SLC13A1: variants seen among roughly 807,000 people sequenced by gnomAD.
SLC13A1 encodes the protein solute carrier family 13 member 1.
Under a neutral mutation model 70.0 loss-of-function variants are expected in SLC13A1, and 65 were observed. The observed-to-expected ratio is 0.93, with a 90% CI of 0.76 to 1.14. SLC13A1 has a LOEUF of 1.14. SLC13A1 is among the 50% of genes most tolerant of loss of function. The pLI, the probability that SLC13A1 is intolerant of heterozygous loss-of-function variation, is 0.00. For synonymous variants in SLC13A1, 275 were observed against 250.5 expected (o/e 1.10, Z -0.92); for missense variants, 726 against 717.8 (o/e 1.01, Z -0.13).
At chr7:123,183,911 C>T (rs950548807) in intron 1 of SLC13A1, among the ~76,000 whole-genome samples, 3 of 152,134 alleles carry the variant, frequency 2.0e-5, no homozygotes, top group Non-Finnish European at 4.4e-5. Flanking sequence ...ATTTATGTCT[C>T]ATCATGGAGT....
chr7:123,133,357 C>A (rs17145381), intron 8 of SLC13A1, among the ~76,000 whole-genome samples: 3,771 of 152,162 alleles, frequency 0.025, 77 homozygotes, highest in Non-Finnish European at 0.039. Context: ...CTATAGGTCA[C>A]AGTGTAAGTA....
chr7:123,169,990 A>G (rs182528824), intron 3 of SLC13A1, among the ~76,000 whole-genome samples: 1 of 152,294 alleles, frequency 6.6e-6, no homozygotes, highest in Admixed American at 6.5e-5. Flanking sequence ...ATCTGGACAC[A>G]CTACATTGTC....
intron 11 of SLC13A1, 109 bp downstream of exon 11, chr7:123,125,460 T>C (rs1003876316): frequency 1.9e-5 from 14 of 739,872 alleles, no homozygotes; most frequent in Non-Finnish European, 3.2e-5. Flanking sequence ...GGCCAGGGAT[T>C]GTGCCAGCAT....
intron 6 of SLC13A1, among the ~76,000 whole-genome samples, chr7:123,148,976 T>C (rs1299883744): frequency 6.6e-6 from 1 of 152,162 alleles, no homozygotes; most frequent in Non-Finnish European, 1.5e-5. Context: ...GCATGGTGAA[T>C]TTTTGAAATG....
intron 6 of SLC13A1, among the ~76,000 whole-genome samples, chr7:123,164,003 G>T (rs1429360274): frequency 6.6e-6 from 1 of 151,940 alleles, no homozygotes; most frequent in Non-Finnish European, 1.5e-5. Context: ...CATGAACCTT[G>T]CATTTTAGTG....
Position 123,115,632 on chromosome 7 carries a change from GTT to G in SLC13A1, c.1672_1673del (p.Asn558HisfsTer20). ...IDMVKAGLGV[N>X]IVGVAVVMLG... ...GCATAACCACAGCAACACCAACAAT[GTT>G]GACACCAAGTCCAGCTTTAACCTTG... is the stretch of plus-strand genomic sequence containing the variant. On this transcript the variant is annotated frameshift_variant, in exon 15 of 15. Transcript: ENST00000194130. LOFTEE classifies it high-confidence loss of function. 1 of 1,613,818 alleles carries G rather than the reference GTT, an allele frequency of 6.2e-7. No individual in the cohort carries two copies. The highest frequency in any genetic ancestry group is 8.5e-7 in the Non-Finnish European group (1 of 1,179,764).
At chr7:123,164,836 C>A (rs1195584147) in intron 6 of SLC13A1, among the ~76,000 whole-genome samples, 1 of 151,620 alleles carries the variant, frequency 6.6e-6, no homozygotes, top group Non-Finnish European at 1.5e-5. Context: ...CAGAGCTGAA[C>A]TGAAGGAAAT....
intron 3 of SLC13A1, among the ~76,000 whole-genome samples, chr7:123,169,601 G>T (rs1307585435): frequency 6.6e-6 from 1 of 152,082 alleles, no homozygotes; most frequent in Non-Finnish European, 1.5e-5. Context: ...ACAGAAAAAT[G>T]ATTAAAACTA....
intron 1 of SLC13A1, among the ~76,000 whole-genome samples, chr7:123,189,497 T>C (rs1237595490): frequency 6.6e-6 from 1 of 152,160 alleles, no homozygotes; most frequent in Non-Finnish European, 1.5e-5. Flanking sequence ...ATCTTATATG[T>C]TTTTCAAATT....
intron 1 of SLC13A1, among the ~76,000 whole-genome samples, chr7:123,194,170 A>T (rs1796093893): frequency 6.6e-6 from 1 of 152,132 alleles, no homozygotes; most frequent in Non-Finnish European, 1.5e-5. Context: ...ATACTGTAAT[A>T]GAGGCCAATG....
intron 10 of SLC13A1, among the ~76,000 whole-genome samples, chr7:123,127,926 T>C (rs971585130): frequency 6.9e-6 from 1 of 145,282 alleles, no homozygotes; most frequent in Non-Finnish European, 1.5e-5. Context: ...GAAATTAGAG[T>C]AGTTCAGTGA....
chr7:123,177,248 T>A (rs1205584895), intron 2 of SLC13A1, among the ~76,000 whole-genome samples: 1 of 152,060 alleles, frequency 6.6e-6, no homozygotes, highest in Non-Finnish European at 1.5e-5. Flanking sequence ...CCATATCTAA[T>A]CAATCAGGAA....
intron 6 of SLC13A1, among the ~76,000 whole-genome samples, chr7:123,161,739 C>T (rs1794910830): frequency 6.6e-6 from 1 of 152,088 alleles, no homozygotes; most frequent in Non-Finnish European, 1.5e-5. Flanking sequence ...CCAATCCATA[C>T]CTTAACTAGT....
intron 6 of SLC13A1, among the ~76,000 whole-genome samples, chr7:123,162,719 T>C (rs995442787): frequency 2.1e-4 from 32 of 152,106 alleles, no homozygotes; most frequent in African/African-American, 6.8e-4. Flanking sequence ...CCCTAGTTTC[T>C]AATATTATGA....
At chr7:123,119,514 T>C (rs1793303028) in intron 12 of SLC13A1, among the ~76,000 whole-genome samples, 1 of 151,998 alleles carries the variant, frequency 6.6e-6, no homozygotes, top group African/African-American at 2.4e-5. Context: ...CTAATTTATA[T>C]ATGTGGATAT....
chr7:123,161,508 T>C (rs866400725), intron 6 of SLC13A1, among the ~76,000 whole-genome samples: 2 of 152,180 alleles, frequency 1.3e-5, no homozygotes, highest in South Asian at 4.1e-4. Flanking sequence ...GAATAATTTC[T>C]AAGTACATAT....
intron 13 of SLC13A1, 63 bp from the exon 14 acceptor site, chr7:123,117,671 A>G: frequency 1.4e-5 from 15 of 1,087,202 alleles, no homozygotes; most frequent in Non-Finnish European, 1.8e-5. Flanking sequence ...AACATAAAAA[A>G]AAAAAAAGTA....
At chr7:123,146,520 AAT>A (rs1794356061) in intron 7 of SLC13A1, among the ~76,000 whole-genome samples, 1 of 152,188 alleles carries the variant, frequency 6.6e-6, no homozygotes, top group African/African-American at 2.4e-5. Flanking sequence ...GTCTCAGAAA[AAT>A]AAATAAGTAA....
rs149261691 is a variant in SLC13A1, at chr7:123,173,938, T to G, written c.229-2034A>C. On this transcript the variant is annotated intron_variant, in intron 2 of 14. Transcript: ENST00000194130. ...TCTAGGTATAAGTATTTCAGTATAT[T>G]AATTTGCCAGTGCTTCCAGAGTCGG... Among the ~76,000 whole-genome samples, 328 of 151,488 alleles carry G rather than the reference T, an allele frequency of 2.2e-3. 1 individual carries two copies. The highest frequency in any genetic ancestry group is 3.8e-3 in the Non-Finnish European group (256 of 67,884).
Sources: allele counts gnomAD v4.1 joint callset (sites outside exome capture counted in the v4.1 genomes callset), GRCh38; gene constraint gnomAD v4.1.1; transcripts MANE v1.5; gene names NCBI Gene and HGNC (gene_info 2026-07-23, HGNC 2026-07-21).